The following TMEFF1 variants were observed in gnomAD, a reference collection of about 807,000 sequenced individuals.
The protein encoded by TMEFF1 is tomoregulin-1.
Under a neutral mutation model 47.5 loss-of-function variants are expected in TMEFF1, and 20 were observed. That is an observed-to-expected ratio of 0.42 (90% CI 0.30 to 0.61). The LOEUF (loss-of-function observed/expected upper bound fraction) is 0.61, where lower values mean the gene tolerates loss of function less well. Among genes scored for constraint, TMEFF1 ranks in the 20% least tolerant of loss-of-function variants. The probability of loss-of-function intolerance (pLI) is 0.19; values close to 1 mark genes in which losing one functional copy is unlikely to be tolerated. For missense variants in TMEFF1, 411 were observed against 471.1 expected (o/e 0.87, Z 1.18); for synonymous variants, 162 against 166.3 (o/e 0.97, Z 0.20).
chr9:100,498,391 C>T (rs1193383390), intron 1 of TMEFF1, among the ~76,000 whole-genome samples: 2 of 151,980 alleles, frequency 1.3e-5, no homozygotes, highest in Non-Finnish European at 2.9e-5. Context: ...TCTCATTAGC[C>T]TTAAAAGTAA....
At chr9:100,575,412 G>T (rs1839332854) in intron 9 of TMEFF1, among the ~76,000 whole-genome samples, 1 of 152,128 alleles carries the variant, frequency 6.6e-6, no homozygotes. Flanking sequence ...CTAGGAAATT[G>T]GAATTTTTCC....
intron 7 of TMEFF1, among the ~76,000 whole-genome samples, chr9:100,561,163 A>G (rs896866451): frequency 5.3e-5 from 8 of 152,216 alleles, no homozygotes; most frequent in African/African-American, 1.9e-4. Context: ...CACATTCTGC[A>G]AATATTTTTA....
At chr9:100,492,232 C>T (rs1280222328) in intron 1 of TMEFF1, among the ~76,000 whole-genome samples, 1 of 152,196 alleles carries the variant, frequency 6.6e-6, no homozygotes, top group Non-Finnish European at 1.5e-5. Flanking sequence ...TAACAAACTC[C>T]AGTTTTAATC....
chr9:100,478,840 A>G (rs947950782), intron 1 of TMEFF1, among the ~76,000 whole-genome samples: 33 of 152,228 alleles, frequency 2.2e-4, no homozygotes, highest in African/African-American at 8.0e-4. Flanking sequence ...TGAGAAGAAC[A>G]AATGAGACTA....
intron 5 of TMEFF1, among the ~76,000 whole-genome samples, chr9:100,526,286 C>G (rs1196080156): frequency 6.6e-6 from 1 of 152,130 alleles, no homozygotes; most frequent in African/African-American, 2.4e-5. Flanking sequence ...AGTGATATCT[C>G]ACAATGTTAT....
chr9:100,503,582 G>A (rs972042090), intron 2 of TMEFF1, among the ~76,000 whole-genome samples: 1 of 150,408 alleles, frequency 6.6e-6, no homozygotes, highest in African/African-American at 2.5e-5. Context: ...ACACACGAAT[G>A]TGAGAGCGAG....
At chr9:100,480,035 TTGTC>T (rs1564261118) in intron 1 of TMEFF1, among the ~76,000 whole-genome samples, 2 of 152,230 alleles carry the variant, frequency 1.3e-5, no homozygotes, top group African/African-American at 4.8e-5. Context: ...ACACTTGTTA[TTGTC>T]TGTCTGTTTG....
intron 1 of TMEFF1, among the ~76,000 whole-genome samples, chr9:100,480,875 G>T (rs1351493923): frequency 1.3e-5 from 2 of 152,176 alleles, no homozygotes; most frequent in Non-Finnish European, 2.9e-5. Context: ...TGTACAAGGT[G>T]CCCTGAGGAA....
intron 7 of TMEFF1, among the ~76,000 whole-genome samples, chr9:100,552,925 A>G (rs1421876887): frequency 6.6e-6 from 1 of 152,106 alleles, no homozygotes; most frequent in Non-Finnish European, 1.5e-5. Context: ...ATGACCAGTG[A>G]CTACCATATG....
chr9:100,525,909 C>G (rs1482247087), intron 5 of TMEFF1, among the ~76,000 whole-genome samples: 1 of 152,066 alleles, frequency 6.6e-6, no homozygotes, highest in Non-Finnish European at 1.5e-5. Context: ...ATTCCTTTGT[C>G]TCTCTCTCCT....
At chr9:100,526,108 AT>A (rs1470116415) in intron 5 of TMEFF1, among the ~76,000 whole-genome samples, 1 of 152,208 alleles carries the variant, frequency 6.6e-6, no homozygotes, top group African/African-American at 2.4e-5. Flanking sequence ...CAAGTGCATA[AT>A]TCGAGCTGTG....
Position 100,498,172 on chromosome 9 carries a change from T to C in TMEFF1, c.197-593T>C, listed in dbSNP as rs1444674636. 2.0e-5 allele frequency among the ~76,000 whole-genome samples: 3 copies of C among 152,234 alleles called. No homozygotes were observed. The East Asian group carries it at 5.8e-4, about 29-fold the overall frequency. On this transcript the variant is annotated intron_variant, in intron 1 of 9. Coordinates refer to ENST00000374879, the MANE Select transcript of TMEFF1 (RefSeq NM_003692.5). ...GGTAGAGTCAACTTAATTCAGTCCA[T>C]TAAAAGTTTTAAGTCTAGTAAGATT...
intron 2 of TMEFF1, among the ~76,000 whole-genome samples, chr9:100,503,387 C>CT (rs954019383): frequency 1.3e-5 from 2 of 151,948 alleles, no homozygotes; most frequent in African/African-American, 2.4e-5. Flanking sequence ...CAGTCTATGA[C>CT]TTTTTTTCCT....
intron 5 of TMEFF1, among the ~76,000 whole-genome samples, chr9:100,526,473 A>C (rs1216780662): frequency 6.6e-6 from 1 of 150,914 alleles, no homozygotes; most frequent in Non-Finnish European, 1.5e-5. Flanking sequence ...TTTTTGCTGT[A>C]CTTTTTGAGA....
chr9:100,478,354 C>A (rs987585482), intron 1 of TMEFF1, among the ~76,000 whole-genome samples: 1 of 152,014 alleles, frequency 6.6e-6, no homozygotes, highest in African/African-American at 2.4e-5. Context: ...GGATCTCATT[C>A]CTGTCGCCCA....
At chr9:100,482,547 C>T (rs1315297893) in intron 1 of TMEFF1, among the ~76,000 whole-genome samples, 3 of 152,134 alleles carry the variant, frequency 2.0e-5, no homozygotes, top group Non-Finnish European at 4.4e-5. Flanking sequence ...CTTTTATTTC[C>T]ACATTGCAAA....
rs1839361974 is a variant in TMEFF1 at position 100,576,819 on chromosome 9, A to C, written c.*219A>C. 1 of 448,980 alleles carries C rather than the reference A, an allele frequency of 2.2e-6. No individual in the cohort carries two copies. The allele number at this position is 448,980 out of a possible 1,614,324, so 27.8% of individuals were successfully genotyped here. ...GAAATTGCTTTCACAAATTTGTACCACATGGTAATTCTAAGACTTGTTCTT... is the reference window on the plus strand; with the variant it reads ...GAAATTGCTTTCACAAATTTGTACCCCATGGTAATTCTAAGACTTGTTCTT... On this transcript the variant is annotated 3_prime_UTR_variant, in exon 10 of 10. Coordinates refer to ENST00000374879, the MANE Select transcript of TMEFF1 (RefSeq NM_003692.5).
chr9:100,574,422 T>C (rs1839308571), intron 9 of TMEFF1, among the ~76,000 whole-genome samples: 1 of 152,150 alleles, frequency 6.6e-6, no homozygotes, highest in Non-Finnish European at 1.5e-5. Flanking sequence ...TCTCACTCTG[T>C]CATTCAGGCT....
chr9:100,519,079 A>G (rs1212868459), intron 5 of TMEFF1, among the ~76,000 whole-genome samples: 1 of 152,208 alleles, frequency 6.6e-6, no homozygotes, highest in Non-Finnish European at 1.5e-5. Context: ...CTTAATTATT[A>G]TGAACTGCAT....
Sources: allele counts gnomAD v4.1 joint callset (sites outside exome capture counted in the v4.1 genomes callset), GRCh38; gene constraint gnomAD v4.1.1; transcripts MANE v1.5; gene names NCBI Gene and HGNC (gene_info 2026-07-23, HGNC 2026-07-21).